Variants in ALG12 observed in about 807,000 individuals in gnomAD.
The protein encoded by ALG12 is ALG12 alpha-1,6-mannosyltransferase, also known as dol-P-Man:Man(7)GlcNAc(2)-PP-Dol alpha-1,6-mannosyltransferase.
ALG12 carries 36 observed loss-of-function variants against 46.0 expected under a neutral mutation model. That is an observed-to-expected ratio of 0.78 (90% CI 0.60 to 1.03). ALG12 has a LOEUF of 1.03. ALG12 is among the 50% of genes least tolerant of loss of function. The probability of loss-of-function intolerance (pLI) is 0.00; values close to 1 mark genes in which losing one functional copy is unlikely to be tolerated. For synonymous variants in ALG12, 326 were observed against 291.6 expected, an observed-to-expected ratio of 1.12 and a Z score of -1.20; for missense variants, 599 against 633.5, an observed-to-expected ratio of 0.95 and a Z score of 0.58.
chr22:49,913,315 G>A (rs140269988), intron 3 of ALG12, 70 bp downstream of exon 3: 19,187 of 1,603,786 alleles, frequency 0.012, 384 homozygotes, highest in South Asian at 0.067. Context: ...GAGGGACCGC[G>A]GCCTCGCTGA....
the ALG12 span, chr22:49,883,655 G>A: frequency 1.3e-6 from 2 of 1,550,896 alleles, no homozygotes; most frequent in African/African-American, 2.7e-5. Context: ...GAGTAGTTAT[G>A]GTCAGTCATG....
chr22:49,884,912 C>T, the ALG12 span: 1 of 1,602,792 alleles, frequency 6.2e-7, no homozygotes, highest in Admixed American at 1.7e-5. Flanking sequence ...TTCTCATCTT[C>T]CGATGACATA....
the ALG12 span, chr22:49,885,903 G>A: frequency 5.6e-5 from 58 of 1,031,870 alleles, no homozygotes; most frequent in Non-Finnish European, 7.8e-5. Context: ...TGACCCTCAC[G>A]GCCCACTGGG....
At chr22:49,887,131 C>T in the ALG12 span, 1 of 1,613,006 alleles carries the variant, frequency 6.2e-7, no homozygotes, top group Non-Finnish European at 8.5e-7. Context: ...TTTTGAAAAA[C>T]TTATCTTTTT....
the ALG12 span, chr22:49,884,727 T>C: frequency 6.3e-7 from 1 of 1,594,038 alleles, no homozygotes; most frequent in Non-Finnish European, 8.6e-7. Flanking sequence ...ACTCCACCCC[T>C]CCCACTCTGC....
intron 6 of ALG12, among the ~76,000 whole-genome samples, chr22:49,908,348 T>G (rs1601822007): frequency 1.6e-5 from 2 of 128,470 alleles, no homozygotes; most frequent in South Asian, 2.7e-4. Flanking sequence ...GCCAACATGG[T>G]GAAACCCTGT....
chr22:49,866,477 C>A, the ALG12 span, among the ~76,000 whole-genome samples: 1 of 151,660 alleles, frequency 6.6e-6, no homozygotes, highest in Admixed American at 6.6e-5. Flanking sequence ...TTTTTTAGGT[C>A]TTCATTCTTG....
In ALG12 at chr22:49,903,140, C is replaced by T. The variant is rs1303987984; in HGVS notation, c.*698G>A. Reference sequence around the variant, plus strand: ...ACCAAGCTGTCCCTTTACCATAACACCTGGAATAGTCACCTGTGATAAGCT... The same window carrying T: ...ACCAAGCTGTCCCTTTACCATAACATCTGGAATAGTCACCTGTGATAAGCT... On this transcript the variant is annotated 3_prime_UTR_variant, in exon 10 of 10. Transcript: ENST00000330817. 2.8e-6 allele frequency: 1 copy of T among 360,062 alleles called. No individual in the cohort carries two copies. The highest frequency in any genetic ancestry group is 2.1e-5 in the South Asian group (1 of 48,110). The allele number at this position is 360,062 out of a possible 1,614,324, so 22.3% of individuals were successfully genotyped here.
chr22:49,876,576 C>CT, the ALG12 span, among the ~76,000 whole-genome samples: 1 of 152,110 alleles, frequency 6.6e-6, no homozygotes, highest in Admixed American at 6.5e-5. Flanking sequence ...AATGTCGCCA[C>CT]TCCAGCTTTC....
At chr22:49,876,416 T>A in the ALG12 span, among the ~76,000 whole-genome samples, 2 of 152,234 alleles carry the variant, frequency 1.3e-5, no homozygotes, top group African/African-American at 2.4e-5. Flanking sequence ...CTCCCTTTAG[T>A]TCTCTCAGCT....
Position 49,910,084 on chromosome 22 carries a change from C to A in ALG12, c.474G>T (p.Leu158=). ...LPNVLALPVV[L]LALAAWLRHE... ...GCCGCAGCCAGGCCGCGAGGGCCAG[C>A]AGGACTGCAAGACAGTGCGGGAGGG... is the stretch of plus-strand genomic sequence containing the variant. Residue 158 remains leucine (L), a synonymous_variant, in exon 5 of 10, where the codon CTG becomes CTT. Coordinates refer to ENST00000330817, the MANE Select transcript of ALG12 (RefSeq NM_024105.4). 1 of 1,606,300 alleles carries A rather than the reference C, an allele frequency of 6.2e-7. No homozygotes were observed. Among genetic ancestry groups the A allele is most frequent in the Non-Finnish European group, 8.5e-7 (1 of 1,177,018 alleles).
chr22:49,886,222 C>T, the ALG12 span: 6 of 871,020 alleles, frequency 6.9e-6, no homozygotes, highest in Non-Finnish European at 1.1e-5. This position sits in a 1 kb window ranked among gnomAD's most constrained non-coding sequence, Gnocchi z 7.7. Context: ...GAGCCTCGCC[C>T]GGAAGATCTG....
Position 49,903,963 on chromosome 22 carries a change from G to A in ALG12, c.1342C>T (p.His448Tyr). The change falls in exon 10 of 10, where the codon CAC becomes TAC. Residue 448 changes from histidine (H) to tyrosine (Y), a missense_variant. By Grantham distance (83) the His-to-Tyr change is moderately conservative (BLOSUM62 2). Coordinates refer to ENST00000330817, the MANE Select transcript of ALG12 (RefSeq NM_024105.4). The stretch of plus-strand genomic sequence containing the variant: ...CCCACGACGCTGGCCAGGACCCGGT[G>A]TGTGTCCCTGTAGAGGGCCAGGAGC... ...PGLLALYRDT[H>Y]RVLASVVGTT... is the part of the protein sequence containing the mutation. The A allele has an allele frequency of 6.2e-7, 1 of 1,614,230 alleles. No individual in the cohort carries two copies. Among genetic ancestry groups the A allele is most frequent in the Non-Finnish European group, 8.5e-7 (1 of 1,180,022 alleles).
chr22:49,906,879 G>A lies in ALG12; in HGVS notation c.992+842C>T, dbSNP rs114659385. Among the ~76,000 whole-genome samples, 2,290 of 152,222 alleles carry A rather than the reference G, an allele frequency of 0.015. 61 individuals are homozygous for A. Among genetic ancestry groups the A allele is most frequent in the African/African-American group, 0.051 (2,113 of 41,516 alleles). ...CCTTCCCCAGCACCCACAGGGCCCG[G>A]CAGTGATGGACTCTCCTGGCTCCCT... On this transcript the variant is annotated intron_variant, in intron 7 of 9. Coordinates refer to ENST00000330817, the MANE Select transcript of ALG12 (RefSeq NM_024105.4). The surrounding 1 kb of genome is among the most constrained non-coding windows in gnomAD (Gnocchi z 4.4).
downstream of ALG12, among the ~76,000 whole-genome samples, chr22:49,898,538 C>T (rs571076601): frequency 9.2e-5 from 14 of 151,878 alleles, no homozygotes; most frequent in African/African-American, 2.7e-4. Flanking sequence ...TACAGGTGCC[C>T]GCCACCATGC....
At position 49,903,737 on chromosome 22, in the gene ALG12, G is replaced by A. The variant is rs759790070; in HGVS notation, c.*101C>T. On this transcript the variant is annotated 3_prime_UTR_variant, in exon 10 of 10. Coordinates refer to ENST00000330817, the MANE Select transcript of ALG12 (RefSeq NM_024105.4). ...AGGCAGGTGCCCAGTCCTTTGACTT[G>A]CTTCTCTGAATTGTCATAATTGTGC... 7.2e-6 allele frequency: 10 copies of A among 1,388,534 alleles called. No individual in the cohort carries two copies. The East Asian group carries it at 9.2e-5, about 13-fold the overall frequency. The allele number at this position is 1,388,534 out of a possible 1,614,324, so 86.0% of individuals were successfully genotyped here. A position where few individuals can be genotyped will look rare whatever the true frequency, so the allele number is the denominator to read the frequency against.
downstream of ALG12, among the ~76,000 whole-genome samples, chr22:49,900,053 A>C (rs1174897837): frequency 6.6e-6 from 1 of 152,132 alleles, no homozygotes; most frequent in East Asian, 1.9e-4. Flanking sequence ...AGTCCCAGCT[A>C]CTTGGGAGGC....
chr22:49,886,868 C>T, the ALG12 span: 2 of 1,614,050 alleles, frequency 1.2e-6, no homozygotes, highest in Admixed American at 3.3e-5. The surrounding 1 kb of genome is among the most constrained non-coding windows in gnomAD (Gnocchi z 7.7). Context: ...TCACTTGTGG[C>T]CAAGGTGAAG....
At chr22:49,887,049 C>T in the ALG12 span, 2 of 1,614,186 alleles carry the variant, frequency 1.2e-6, no homozygotes, top group Non-Finnish European at 1.7e-6. Context: ...CAAGCATCGT[C>T]CCTTCAGAAA....
Sources: gnomAD v4.1 joint callset for allele counts (sites outside exome capture counted in the v4.1 genomes callset) on GRCh38, gnomAD v4.1.1 for gene constraint, Gnocchi (gnomAD v3.1) non-coding constraint, MANE v1.5 for transcripts, NCBI Gene and HGNC (gene_info 2026-07-23, HGNC 2026-07-21) for gene names.